The following CLXN variants were observed in gnomAD, a reference collection of about 807,000 sequenced individuals.
The protein encoded by CLXN is EF-hand calcium binding domain 1.
At chr8:48,717,205 A>C in the CLXN span, among the ~76,000 whole-genome samples, 1 of 152,154 alleles carries the variant, frequency 6.6e-6, no homozygotes, top group Non-Finnish European at 1.5e-5. Flanking sequence ...AATAGGGTCA[A>C]CCCCAAGAAG....
the CLXN span, among the ~76,000 whole-genome samples, chr8:48,719,388 A>G: frequency 6.6e-6 from 1 of 152,010 alleles, no homozygotes; most frequent in Admixed American, 6.5e-5. Context: ...CTCCTCTAAA[A>G]AAATAGAAAA....
At chr8:48,719,126 T>C in the CLXN span, among the ~76,000 whole-genome samples, 27 of 151,200 alleles carry the variant, frequency 1.8e-4, no homozygotes, top group East Asian at 4.3e-3. Flanking sequence ...ATAAAAATGA[T>C]CATAAAAGAC....
chr8:48,710,810 T>G, the CLXN span: 1 of 152,184 alleles, frequency 6.6e-6, no homozygotes, highest in South Asian at 2.1e-4. Context: ...TTACATAAAT[T>G]TAATTTGTGG....
chr8:48,723,912 TG>T, the CLXN span: 1 of 152,480 alleles, frequency 6.6e-6, no homozygotes, highest in Non-Finnish European at 1.5e-5. Context: ...CTGCAATGCA[TG>T]GGGCAGGGAC....
chr8:48,730,139 T>C, the CLXN span: 3 of 359,304 alleles, frequency 8.3e-6, no homozygotes, highest in Non-Finnish European at 1.0e-5. Flanking sequence ...GATTGAAATA[T>C]GGCTCATAAG....
At chr8:48,724,050 A>AT in the CLXN span, 2 of 152,042 alleles carry the variant, frequency 1.3e-5, no homozygotes, top group African/African-American at 4.8e-5. Context: ...GTACTTTTTG[A>AT]TTTTCAGTCC....
the CLXN span, chr8:48,735,275 G>T: frequency 3.6e-6 from 4 of 1,111,370 alleles, no homozygotes; most frequent in Non-Finnish European, 5.3e-6. Flanking sequence ...TACTGATCTC[G>T]TGCGCGGCCC....
the CLXN span, chr8:48,730,686 T>C: frequency 8.9e-7 from 1 of 1,127,858 alleles, no homozygotes; most frequent in Non-Finnish European, 1.3e-6. Context: ...TCCTGCATAA[T>C]AACTCTCAGT....
At chr8:48,721,199 C>G in the CLXN span, among the ~76,000 whole-genome samples, 1 of 152,102 alleles carries the variant, frequency 6.6e-6, no homozygotes, top group Non-Finnish European at 1.5e-5. Flanking sequence ...TAATAAAAAA[C>G]TCATTCCTAA....
the CLXN span, among the ~76,000 whole-genome samples, chr8:48,725,538 T>C: frequency 6.6e-6 from 1 of 152,166 alleles, no homozygotes; most frequent in Non-Finnish European, 1.5e-5. Flanking sequence ...GCATGGTGGC[T>C]CATGCCTGTA....
the CLXN span, among the ~76,000 whole-genome samples, chr8:48,731,073 T>G: frequency 2.0e-5 from 3 of 152,290 alleles, no homozygotes; most frequent in Admixed American, 6.5e-5. Flanking sequence ...CTATTCTATT[T>G]ATTATGTTTA....
chr8:48,717,226 G>C, the CLXN span, among the ~76,000 whole-genome samples: 2 of 152,068 alleles, frequency 1.3e-5, no homozygotes, highest in Admixed American at 1.3e-4. Context: ...GGTACAATGA[G>C]GTACATTATA....
the CLXN span, among the ~76,000 whole-genome samples, chr8:48,726,129 T>C: frequency 1.5e-5 from 2 of 131,104 alleles, no homozygotes; most frequent in African/African-American, 5.8e-5. Context: ...CATCCATCCA[T>C]CCATCCATCC....
At chr8:48,714,534 G>A in the CLXN span, among the ~76,000 whole-genome samples, 2 of 152,052 alleles carry the variant, frequency 1.3e-5, no homozygotes, top group Admixed American at 6.6e-5. Flanking sequence ...AATAAAAGAG[G>A]GTTATTCATA....
chr8:48,724,007 C>G, the CLXN span: 3 of 152,170 alleles, frequency 2.0e-5, no homozygotes, highest in African/African-American at 7.2e-5. Context: ...CATGTTCTCC[C>G]TCTGCTCACC....
chr8:48,711,738 C>G, the CLXN span: 2 of 152,178 alleles, frequency 1.3e-5, no homozygotes, highest in Non-Finnish European at 2.9e-5. Context: ...GTGGCGAGAA[C>G]AGATTTGCTT....
the CLXN span, chr8:48,724,492 A>G: frequency 1.8e-5 from 6 of 326,982 alleles, no homozygotes; most frequent in South Asian, 6.7e-4. Flanking sequence ...TTCGACAGAT[A>G]GTCTATGTGA....
the CLXN span, chr8:48,735,233 C>T: frequency 2.0e-6 from 3 of 1,529,368 alleles, no homozygotes; most frequent in East Asian, 4.5e-5. Flanking sequence ...CCCGCGAGCC[C>T]TGGTGCTGGG....
At chr8:48,729,135 A>C in the CLXN span, 1 of 1,612,822 alleles carries the variant, frequency 6.2e-7, no homozygotes, top group Non-Finnish European at 8.5e-7. Context: ...GCTTCCCATC[A>C]TGGTCATGAT....
Sources: allele counts gnomAD v4.1 joint callset (sites outside exome capture counted in the v4.1 genomes callset), GRCh38; gene constraint gnomAD v4.1.1; transcripts MANE v1.5; gene names NCBI Gene and HGNC (gene_info 2026-07-23, HGNC 2026-07-21).